The following NRXN2 variants were observed in gnomAD, a reference collection of about 807,000 sequenced individuals.
NRXN2 encodes the protein neurexin-2-beta.
In NRXN2, 29 loss-of-function variants were observed where a neutral mutation model predicts 128.8. That is an observed-to-expected ratio of 0.23 (90% CI 0.17 to 0.31). The LOEUF is 0.31. NRXN2 is among the 10% of genes least tolerant of loss of function. NRXN2 has a pLI of 1.00. For missense variants in NRXN2, 1,881 were observed against 2,452.6 expected (o/e 0.77, Z 4.92); for synonymous variants, 1,098 against 1,075.2 (o/e 1.02, Z -0.41).
chr11:64,699,425 C>CTTTTTTTTTTTTTTTTT (rs67776872), intron 2 of NRXN2, among the ~76,000 whole-genome samples: 3 of 92,128 alleles, frequency 3.3e-5, no homozygotes, highest in African/African-American at 4.4e-5. Context: ...TAATAGTTTT[C>CTTTTTTTTTTTTTTTTT]TTTTTTTTTT....
intron 5 of NRXN2, among the ~76,000 whole-genome samples, chr11:64,687,690 G>A (rs535418678): frequency 1.4e-4 from 21 of 152,354 alleles, no homozygotes; most frequent in African/African-American, 4.8e-4. Context: ...CCAGGAAAAG[G>A]AGAACCATCG....
At chr11:64,644,816 G>A (rs758781786) in intron 17 of NRXN2, among the ~76,000 whole-genome samples, 27 of 152,066 alleles carry the variant, frequency 1.8e-4, no homozygotes, top group Admixed American at 3.3e-4. Flanking sequence ...GGAGAGAGGA[G>A]GCTGGGAGGG....
rs61394963 is a variant in NRXN2 at position 64,704,623 on chromosome 11, C to CAGAGAGAGAGAGAGAGAGAG, written c.731-6851_731-6832dup. On this transcript the variant is annotated intron_variant, in intron 2 of 22. Coordinates refer to ENST00000265459, the MANE Select transcript of NRXN2 (RefSeq NM_015080.4). Reference sequence around the variant, plus strand: ...TCACACACACACACACACACACACACAGAGAGAGAGAGAGAGAGAGAGAGA... The same window carrying CAGAGAGAGAGAGAGAGAGAG: ...TCACACACACACACACACACACACACAGAGAGAGAGAGAGAGAGAGAGAGAGAGAGAGAGAGAGAGAGAGA... Among the ~76,000 whole-genome samples the CAGAGAGAGAGAGAGAGAGAG allele has an allele frequency of 5.5e-4, 45 of 81,202 alleles. 1 individual carries two copies. The highest frequency in any genetic ancestry group is 1.1e-3 in the East Asian group (3 of 2,796). The allele number at this position is 81,202 out of a possible 152,430, so 53.3% of individuals were successfully genotyped here.
chr11:64,629,096 T>C (rs7105665), intron 19 of NRXN2, among the ~76,000 whole-genome samples: 74,833 of 151,702 alleles, frequency 0.49, 22,880 homozygotes, highest in Non-Finnish European at 0.7. Flanking sequence ...TACTCCAGCA[T>C]AGGTGAGCCC....
intron 3 of NRXN2, 95 bp downstream of exon 3, chr11:64,697,680 G>A (rs2054752531): frequency 4.8e-6 from 7 of 1,462,100 alleles, no homozygotes; most frequent in Non-Finnish European, 6.7e-6. Context: ...AAACATGGCA[G>A]GAAAGGGAGT....
intron 22 of NRXN2, among the ~76,000 whole-genome samples, chr11:64,609,799 C>T (rs540444259): frequency 6.6e-6 from 1 of 152,276 alleles, no homozygotes; most frequent in African/African-American, 2.4e-5. Context: ...TTCAGCACAG[C>T]CTAAGCCCTG....
In NRXN2 at chr11:64,622,597, C is replaced by T; in HGVS notation, c.4173+156G>A. On this transcript the variant is annotated intron_variant, in intron 21 of 22. Coordinates refer to ENST00000265459, the MANE Select transcript of NRXN2 (RefSeq NM_015080.4). The surrounding 1 kb of genome is among the most constrained non-coding windows in gnomAD (Gnocchi z 4.3). ...GGCCACTTCCTGAAAGGTGACCTTG[C>T]CCATCGCCATGGCAACAAAGTCAGC... is the stretch of plus-strand genomic sequence containing the variant. 1.7e-6 allele frequency: 1 copy of T among 575,576 alleles called. No homozygotes were observed. Among genetic ancestry groups the T allele is most frequent in the Non-Finnish European group, 2.2e-6 (1 of 455,090 alleles). The allele number at this position is 575,576 out of a possible 1,614,324, so 35.7% of individuals were successfully genotyped here. A position where few individuals can be genotyped will look rare whatever the true frequency, so the allele number is the denominator to read the frequency against.
chr11:64,623,207 G>A lies in NRXN2; in HGVS notation c.3848-129C>T. ...AGGAGAAAGCCAGTAAGGGAGGAGGGGACGGGGAGAAATGAGGAAGGGGCA... is the reference window on the plus strand; with the variant it reads ...AGGAGAAAGCCAGTAAGGGAGGAGGAGACGGGGAGAAATGAGGAAGGGGCA... On this transcript the variant is annotated intron_variant, in intron 20 of 22. Coordinates refer to ENST00000265459, the MANE Select transcript of NRXN2 (RefSeq NM_015080.4). The surrounding 1 kb of genome is among the most constrained non-coding windows in gnomAD (Gnocchi z 4.9). 7.2e-7 allele frequency: 1 copy of A among 1,391,196 alleles called. No homozygotes were observed. The highest frequency in any genetic ancestry group is 9.5e-7 in the Non-Finnish European group (1 of 1,050,498). 86.2% of individuals were successfully genotyped at this position (1,391,196 alleles called of 1,614,324 possible). A position where few individuals can be genotyped will look rare whatever the true frequency, so the allele number is the denominator to read the frequency against.
At chr11:64,677,612 G>A (rs1374761545) in intron 6 of NRXN2, among the ~76,000 whole-genome samples, 1 of 152,188 alleles carries the variant, frequency 6.6e-6, no homozygotes, top group Admixed American at 6.5e-5. Context: ...TCCAACAGAG[G>A]GTGAGAGAGG....
rs189135434 is a variant in NRXN2 at position 64,684,853 on chromosome 11, G to A, written c.1152+793C>T. On this transcript the variant is annotated intron_variant, in intron 6 of 22. Coordinates refer to ENST00000265459, the MANE Select transcript of NRXN2 (RefSeq NM_015080.4). Reference sequence around the variant, plus strand: ...AGGACCTGTCCAGTGGGAGCATCTGGGAACAGGAGCTCCTGTCTGCAGGAG... The same window carrying A: ...AGGACCTGTCCAGTGGGAGCATCTGAGAACAGGAGCTCCTGTCTGCAGGAG... 2.6e-5 allele frequency among the ~76,000 whole-genome samples: 4 copies of A among 152,326 alleles called. No individual in the cohort carries two copies. In the East Asian group the frequency reaches 7.7e-4, roughly 29 times the overall value.
rs1396496095 is a variant in NRXN2 at position 64,635,442 on chromosome 11, T to A, written c.3414A>T (p.Thr1138=). 1 of 1,613,712 alleles carries A rather than the reference T, an allele frequency of 6.2e-7. No individual in the cohort carries two copies. Among genetic ancestry groups the A allele is most frequent in the South Asian group, 1.1e-5 (1 of 91,072 alleles). The stretch of plus-strand genomic sequence containing the variant: ...GCGCTCCCCCCTTCCCAAAGATGTA[T>A]GTGGTCCCGGCTGCAGAGAGAAGGA... ...GGPVCNDPGT[T]YIFGKGGALI... Residue 1138 remains threonine, a synonymous_variant, in exon 18 of 23, where the codon ACA becomes ACT. Transcript: ENST00000265459. This position sits in a 1 kb window ranked among gnomAD's most constrained non-coding sequence, Gnocchi z 4.8.
chr11:64,666,525 T>C (rs1270350369), intron 9 of NRXN2, among the ~76,000 whole-genome samples: 2 of 151,416 alleles, frequency 1.3e-5, no homozygotes, highest in African/African-American at 4.9e-5. Flanking sequence ...TTTTTTTAAG[T>C]TGAATGGCTC....
In NRXN2 at chr11:64,635,491, T is replaced by G; in HGVS notation, c.3404-39A>C. The G allele has an allele frequency of 6.2e-7, 1 of 1,609,508 alleles. No homozygotes were observed. The highest frequency in any genetic ancestry group is 8.5e-7 in the Non-Finnish European group (1 of 1,177,812). On this transcript the variant is annotated intron_variant, in intron 17 of 22. Transcript: ENST00000265459. The surrounding 1 kb of genome is among the most constrained non-coding windows in gnomAD (Gnocchi z 4.8). ...GAAAGGGAGACAAGAAGAAATGACA[T>G]CAGGAGGACGAGGTCAGCAGGTCCT...
In NRXN2 at chr11:64,668,583, T is replaced by A. The variant is rs763260855; in HGVS notation, c.1219A>T (p.Ile407Phe). Residue 407 changes from isoleucine to phenylalanine, a missense_variant, in exon 8 of 23, where the codon ATC (isoleucine) becomes TTC (phenylalanine). Ile to Phe is a conservative substitution (Grantham distance 21). Transcript: ENST00000265459. ...TGCGTGTAGCCTGTGGTGGTCAGGA[T>A]CCCGTCCACCGAGATGGTCACCTGT... ...HYLVTISVDGILTTTGYTQED... is the reference protein window; with the variant it reads ...HYLVTISVDGFLTTTGYTQED... 12 of 1,596,898 alleles carry A rather than the reference T, an allele frequency of 7.5e-6. No individual in the cohort carries two copies. The highest frequency in any genetic ancestry group is 1.7e-6 in the Non-Finnish European group (2 of 1,172,616).
At chr11:64,694,395 G>A (rs951562956) in intron 3 of NRXN2, among the ~76,000 whole-genome samples, 2 of 152,274 alleles carry the variant, frequency 1.3e-5, no homozygotes, top group Admixed American at 6.5e-5. Flanking sequence ...TGGGGGCCAG[G>A]ATGCCTGGAT....
At position 64,667,109 on chromosome 11, in the gene NRXN2, G is replaced by C; in HGVS notation, c.1798+141C>G. The C allele has an allele frequency of 1.2e-6, 1 of 856,604 alleles. No individual in the cohort carries two copies. The highest frequency in any genetic ancestry group is 1.9e-6 in the Non-Finnish European group (1 of 528,596). The allele number at this position is 856,604 out of a possible 1,614,324, so 53.1% of individuals were successfully genotyped here. On this transcript the variant is annotated intron_variant, in intron 9 of 22. Coordinates refer to ENST00000265459, the MANE Select transcript of NRXN2 (RefSeq NM_015080.4). This position sits in a 1 kb window ranked among gnomAD's most constrained non-coding sequence, Gnocchi z 5.6. ...TGACAGAAAGGACAATTGGGAAGAC[G>C]TGAGGGGGGTGGAGGAGAAGCGGCA... is the stretch of plus-strand genomic sequence containing the variant.
rs369959410 is a variant in NRXN2 at position 64,667,041 on chromosome 11, T to G, written c.1798+209A>C. On this transcript the variant is annotated intron_variant, in intron 9 of 22. Transcript: ENST00000265459. This position sits in a 1 kb window ranked among gnomAD's most constrained non-coding sequence, Gnocchi z 5.6. Reference sequence around the variant, plus strand: ...TAGGGGAGCTGAGGTGTAATCCAGGTCTGACTGATGCCAAATGCTGTGCTC... The same window carrying G: ...TAGGGGAGCTGAGGTGTAATCCAGGGCTGACTGATGCCAAATGCTGTGCTC... Among the ~76,000 whole-genome samples, 23 of 152,216 alleles carry G rather than the reference T, an allele frequency of 1.5e-4. 1 individual carries two copies. In the South Asian group the frequency reaches 4.8e-3, roughly 32 times the overall value.
At position 64,639,268 on chromosome 11, in the gene NRXN2, G is replaced by T. The variant is rs368682184; in HGVS notation, c.3404-3816C>A. Among the ~76,000 whole-genome samples the T allele has an allele frequency of 5.3e-5, 8 of 152,220 alleles. No homozygotes were observed. The South Asian group carries it at 1.5e-3, about 28-fold the overall frequency. ...ATGGTCTAGATCCCTGTGCTCAGCTGTCTCTTGATCTAGGATCCCAGAACA... is the reference window on the plus strand; with the variant it reads ...ATGGTCTAGATCCCTGTGCTCAGCTTTCTCTTGATCTAGGATCCCAGAACA... On this transcript the variant is annotated intron_variant, in intron 17 of 22. Transcript: ENST00000265459.
Position 64,607,205 on chromosome 11 carries a change from A to G in NRXN2, c.5130T>C (p.Tyr1710=). Residue 1710 remains tyrosine (Y), a synonymous_variant, in exon 23 of 23, where the codon TAT becomes TAC. Coordinates refer to ENST00000265459, the MANE Select transcript of NRXN2 (RefSeq NM_015080.4). ...GCGCAGTGCCGGGGGCTCAGACATA[A>G]TACTCCTTGTCTTTGTTCTTCTTGG... is the stretch of plus-strand genomic sequence containing the variant. ...SKAKKNKDKE[Y]YV The G allele has an allele frequency of 1.2e-6, 2 of 1,612,768 alleles. No individual in the cohort carries two copies. The highest frequency in any genetic ancestry group is 1.7e-6 in the Non-Finnish European group (2 of 1,179,624).
Sources: gnomAD v4.1 joint callset for allele counts (sites outside exome capture counted in the v4.1 genomes callset) on GRCh38, gnomAD v4.1.1 for gene constraint, Gnocchi (gnomAD v3.1) non-coding constraint, MANE v1.5 for transcripts, NCBI Gene and HGNC (gene_info 2026-07-23, HGNC 2026-07-21) for gene names.